The following NWD1 variants were observed in gnomAD, a reference collection of about 807,000 sequenced individuals.
NWD1 encodes NACHT domain- and WD repeat-containing protein 1.
Under a neutral mutation model 135.1 loss-of-function variants are expected in NWD1, and 129 were observed. The ratio of observed to expected loss-of-function variants is 0.96; its 90% CI spans 0.83 to 1.11. The LOEUF is 1.11. Among genes scored for constraint, NWD1 ranks in the 50% least tolerant of loss-of-function variants. NWD1 has a pLI of 0.00. For synonymous variants in NWD1, 773 were observed against 786.0 expected (o/e 0.98, Z 0.28); for missense variants, 1,740 against 1,851.3 (o/e 0.94, Z 1.10).
chr19:16,749,929 C>A lies in NWD1; in HGVS notation c.1287C>A (p.Phe429Leu), dbSNP rs372894087. Residue 429 changes from phenylalanine (F) to leucine (L), a missense_variant, in exon 6 of 19, where the codon TTC becomes TTA. Phe to Leu is a conservative substitution (Grantham distance 22, BLOSUM62 0). Coordinates refer to ENST00000524140, the MANE Select transcript of NWD1 (RefSeq NM_001007525.5). ...TCCACACTGTCTCTTGCAGAAACTT[C>A]GAGTCTCTCGTGCTCCTGCTGGATG... is the stretch of plus-strand genomic sequence containing the variant. Reference protein sequence around the residue: ...TLLHTVSCRNFESLVLLLDAM... With the variant: ...TLLHTVSCRNLESLVLLLDAM... The A allele has an allele frequency of 3.1e-6, 5 of 1,613,680 alleles. No individual in the cohort carries two copies. The South Asian group carries it at 5.5e-5, about 18-fold the overall frequency.
chr19:16,724,660 T>A (rs140634423), intron 2 of NWD1, among the ~76,000 whole-genome samples, 197 bp downstream of exon 2: 324 of 152,266 alleles, frequency 2.1e-3, no homozygotes, highest in African/African-American at 7.3e-3. Flanking sequence ...AGTTCCAGCC[T>A]TGAACTCAAC....
In NWD1 at chr19:16,749,377, G is replaced by T. The variant is rs767040114; in HGVS notation, c.735G>T (p.Pro245=). 19 of 1,613,738 alleles carry T rather than the reference G, an allele frequency of 1.2e-5. No homozygotes were observed. The highest frequency in any genetic ancestry group is 1.6e-5 in the Non-Finnish European group (19 of 1,179,800). The change falls in exon 6 of 19, where the codon CCG becomes CCT. Residue 245 remains proline (P), a synonymous_variant. Transcript: ENST00000524140. ...GGGTCCTCAAGACCCACCGCCTGCC[G>T]TGGAGCCGCGACTTGGTGAACCCCA... is the stretch of plus-strand genomic sequence containing the variant. The part of the protein sequence containing the change: ...HPGVLKTHRL[P]WSRDLVNPKN...
At chr19:16,801,121 A>C (rs1970590674) in intron 17 of NWD1, among the ~76,000 whole-genome samples, 1 of 152,020 alleles carries the variant, frequency 6.6e-6, no homozygotes, top group Admixed American at 6.6e-5. Context: ...CCACTAAAGC[A>C]ATACAAAATT....
chr19:16,744,634 A>T lies in NWD1; in HGVS notation c.412A>T (p.Thr138Ser). 6.5e-7 allele frequency: 1 copy of T among 1,535,244 alleles called. No individual in the cohort carries two copies. The highest frequency in any genetic ancestry group is 8.7e-7 in the Non-Finnish European group (1 of 1,146,592). The stretch of plus-strand genomic sequence containing the variant: ...CTGTGAACCAGAGGAGGCCACCTTA[A>T]CTTCTGTCCTACGCTCTGGAGCCCA... ...EACEPEEATL[T>S]SVLRSGAQEA... Residue 138 changes from threonine to serine, a missense_variant, in exon 5 of 19, where the codon ACT becomes TCT. By Grantham distance (58) the Thr-to-Ser change is moderately conservative. Transcript: ENST00000524140.
At chr19:16,810,211 G>T (rs1335830520) in intron 18 of NWD1, among the ~76,000 whole-genome samples, 2 of 152,034 alleles carry the variant, frequency 1.3e-5, no homozygotes, top group Non-Finnish European at 2.9e-5. Flanking sequence ...GCTGAGGCGG[G>T]TGGATCACCT....
chr19:16,744,498 C>T lies in NWD1; in HGVS notation c.276C>T (p.Asp92=), dbSNP rs1228325306. 1 of 1,535,988 alleles carries T rather than the reference C, an allele frequency of 6.5e-7. No individual in the cohort carries two copies. Among genetic ancestry groups the T allele is most frequent in the African/African-American group, 1.4e-5 (1 of 73,144 alleles). ...AGAAGGAGTGGGAGGTATTGAGGGA[C>T]CATCTGACTGCCAGGCCAAGTGACC... The part of the protein sequence containing the change: ...IDEKEWEVLR[D]HLTARPSDLE... Residue 92 remains aspartate (D), a synonymous_variant, in exon 5 of 19, where the codon GAC becomes GAT. Coordinates refer to ENST00000524140, the MANE Select transcript of NWD1 (RefSeq NM_001007525.5).
intron 16 of NWD1, 78 bp downstream of exon 16, chr19:16,797,964 C>T: frequency 1.4e-6 from 2 of 1,400,202 alleles, no homozygotes; most frequent in Non-Finnish European, 2.0e-6. Context: ...TTTTTGGCTG[C>T]AAAATACAGA....
intron 2 of NWD1, 73 bp from the exon 3 acceptor site, chr19:16,731,119 T>C: frequency 1.3e-6 from 1 of 753,392 alleles, no homozygotes; most frequent in Non-Finnish European, 2.1e-6. Flanking sequence ...ATCAATAAAA[T>C]AAAAGCAGAG....
At position 16,801,945 on chromosome 19, in the gene NWD1, C is replaced by T. The variant is rs371569530; in HGVS notation, c.3736+1783C>T. Among the ~76,000 whole-genome samples the T allele has an allele frequency of 3.6e-4, 54 of 151,880 alleles. 1 individual carries two copies. The highest frequency in any genetic ancestry group is 1.1e-3 in the African/African-American group (47 of 41,414). On this transcript the variant is annotated intron_variant, in intron 17 of 18. Coordinates refer to ENST00000524140, the MANE Select transcript of NWD1 (RefSeq NM_001007525.5). Reference sequence around the variant, plus strand: ...CAGAAACAGGAAGATTGCTTGAGGCCGGGAGTTCAAGACCAGCCTGGGCAA... The same window carrying T: ...CAGAAACAGGAAGATTGCTTGAGGCTGGGAGTTCAAGACCAGCCTGGGCAA...
At chr19:16,796,227 T>TG (rs1472158246) in intron 15 of NWD1, among the ~76,000 whole-genome samples, 1 of 152,118 alleles carries the variant, frequency 6.6e-6, no homozygotes, top group South Asian at 2.1e-4. Context: ...GGCCATCACC[T>TG]GAGATCAGAA....
intron 3 of NWD1, among the ~76,000 whole-genome samples, chr19:16,733,762 G>A (rs113048297): frequency 3.3e-5 from 5 of 151,584 alleles, no homozygotes; most frequent in African/African-American, 1.2e-4. Context: ...CCTCTGACGC[G>A]GATGCTGTCA....
chr19:16,806,775 G>A (rs922230629), intron 17 of NWD1, among the ~76,000 whole-genome samples: 2 of 152,074 alleles, frequency 1.3e-5, no homozygotes, highest in African/African-American at 4.8e-5. Context: ...AGCATTTTGG[G>A]AGGCCGAGGC....
rs1203601054 is a variant in NWD1, at chr19:16,759,415, G to C, written c.1960G>C (p.Ala654Pro). 4 of 1,563,672 alleles carry C rather than the reference G, an allele frequency of 2.6e-6. No homozygotes were observed. Among genetic ancestry groups the C allele is most frequent in the Non-Finnish European group, 2.6e-6 (3 of 1,157,658 alleles). ...GCCCGTGGATGGCTTCACCCTCCTG[G>C]CCATTGCCCACAGGTAGGTCCAGGC... Reference protein sequence around the residue: ...RRPVDGFTLLAIAHRQLVEVV... With the variant: ...RRPVDGFTLLPIAHRQLVEVV... The change falls in exon 7 of 19, where the codon GCC (alanine) becomes CCC (proline). Residue 654 changes from alanine to proline, a missense_variant. Ala to Pro is a conservative substitution (Grantham distance 27, BLOSUM62 -1). Coordinates refer to ENST00000524140, the MANE Select transcript of NWD1 (RefSeq NM_001007525.5).
chr19:16,720,914 G>A (rs937056388), intron 1 of NWD1, among the ~76,000 whole-genome samples: 1 of 151,618 alleles, frequency 6.6e-6, no homozygotes, highest in East Asian at 1.9e-4. Flanking sequence ...GCAGTGGCAC[G>A]ATCTCGGCTC....
rs573582184 is a variant in NWD1 at position 16,731,191 on chromosome 19, G to C, written c.-6-1G>C. On this transcript the variant is annotated splice_acceptor_variant, in intron 2 of 18. Coordinates refer to ENST00000524140, the MANE Select transcript of NWD1 (RefSeq NM_001007525.5). LOFTEE classifies it low-confidence loss of function (5UTR_SPLICE). ...AATACCCTCCATGCCCTTCCTTGCA[G>C]ATATGGATGCAGAGAGGGAAGCCCT... is the stretch of plus-strand genomic sequence containing the variant. 1.3e-6 allele frequency: 2 copies of C among 1,515,834 alleles called. No individual in the cohort carries two copies. Among genetic ancestry groups the C allele is most frequent in the African/African-American group, 2.8e-5 (2 of 72,642 alleles). The allele number at this position is 1,515,834 out of a possible 1,614,324, so 93.9% of individuals were successfully genotyped here.
chr19:16,734,247 T>A (rs1164957025), intron 3 of NWD1, among the ~76,000 whole-genome samples: 3 of 152,166 alleles, frequency 2.0e-5, no homozygotes, highest in Non-Finnish European at 2.9e-5. Context: ...GCCAAGTTCC[T>A]TTTTTAAAAA....
chr19:16,758,344 A>G (rs117464788), intron 6 of NWD1, among the ~76,000 whole-genome samples: 7,734 of 152,222 alleles, frequency 0.051, 248 homozygotes, highest in African/African-American at 0.097. Context: ...TGATGTAATC[A>G]CAGCTCACTG....
Position 16,760,895 on chromosome 19 carries a change from T to C in NWD1, c.1974-1084T>C, listed in dbSNP as rs191251042. On this transcript the variant is annotated intron_variant, in intron 7 of 18. Transcript: ENST00000524140. ...GTGAGCCACTGTGCCCAGTCAGAAT[T>C]TTAAAGTTGACAATTGAGTGGTATT... 1.9e-3 allele frequency among the ~76,000 whole-genome samples: 292 copies of C among 152,230 alleles called. 1 individual carries two copies. Among genetic ancestry groups the C allele is most frequent in the Non-Finnish European group, 3.5e-3 (239 of 68,006 alleles).
chr19:16,750,122 C>G lies in NWD1; in HGVS notation c.1480C>G (p.Pro494Ala), dbSNP rs531367180. The change falls in exon 6 of 19, where the codon CCC (proline) becomes GCC (alanine). Residue 494 changes from proline (P) to alanine (A), a missense_variant. Physicochemically the swap from Pro to Ala is conservative, Grantham distance 27. Transcript: ENST00000524140. ...CCCGGAGGCCTACTGGGAGGTGAAG[C>G]CCCTTTCCGGAAACCAAGGCCAGCA... ...LDPEAYWEVKPLSGNQGQQMI... is the reference protein window; with the variant it reads ...LDPEAYWEVKALSGNQGQQMI... 6.8e-6 allele frequency: 11 copies of G among 1,614,008 alleles called. No individual in the cohort carries two copies. The East Asian group carries it at 1.8e-4, about 26-fold the overall frequency.
Sources: gnomAD v4.1 joint callset for allele counts (sites outside exome capture counted in the v4.1 genomes callset) on GRCh38, gnomAD v4.1.1 for gene constraint, MANE v1.5 for transcripts, NCBI Gene and HGNC (gene_info 2026-07-23, HGNC 2026-07-21) for gene names.